CAST: variants seen among roughly 807,000 people sequenced by gnomAD.
CAST encodes calpastatin, also known as MIR583 host.
A neutral mutation model predicts 119.6 loss-of-function variants in CAST; 76 were observed. The observed-to-expected ratio is 0.64, with a 90% CI of 0.53 to 0.77. CAST has a LOEUF of 0.77. Among genes scored for constraint, CAST ranks in the 30% least tolerant of loss-of-function variants. CAST has a pLI of 0.00. For synonymous variants in CAST, 319 were observed against 331.6 expected, an observed-to-expected ratio of 0.96 and a Z score of 0.41; for missense variants, 953 against 946.5, an observed-to-expected ratio of 1.01 and a Z score of -0.09.
chr5:96,523,674 C>T (rs1336047195), upstream of CAST, among the ~76,000 whole-genome samples: 1 of 152,210 alleles, frequency 6.6e-6, no homozygotes, highest in Admixed American at 6.5e-5. Context: ...GAGTTGGTCA[C>T]AGCCAGGACT....
the CAST span, among the ~76,000 whole-genome samples, chr5:96,162,715 G>A: frequency 6.6e-6 from 1 of 152,112 alleles, no homozygotes; most frequent in Non-Finnish European, 1.5e-5. Context: ...ACTGCACCCG[G>A]CCTGATTTTA....
chr5:96,187,535 T>G, the CAST span, among the ~76,000 whole-genome samples: 4 of 152,342 alleles, frequency 2.6e-5, no homozygotes, highest in Middle Eastern at 6.8e-3. Flanking sequence ...GGGATTCTGG[T>G]ACATTGTCTC....
chr5:96,537,262 AT>A (rs1307472442), intron 1 of CAST, among the ~76,000 whole-genome samples: 1 of 152,140 alleles, frequency 6.6e-6, no homozygotes, highest in African/African-American at 2.4e-5. Flanking sequence ...TCACAACTCT[AT>A]TTGAACTGGA....
the CAST span, among the ~76,000 whole-genome samples, chr5:96,363,490 T>C: frequency 8.5e-5 from 13 of 152,344 alleles, no homozygotes; most frequent in South Asian, 2.3e-3. Flanking sequence ...TTCCATTTGT[T>C]TGTGTCCTCT....
chr5:96,394,999 T>C, the CAST span: 1 of 1,613,854 alleles, frequency 6.2e-7, no homozygotes, highest in Non-Finnish European at 8.5e-7. Context: ...AGTTCACAAT[T>C]CTTCCTTCAT....
intron 1 of CAST, among the ~76,000 whole-genome samples, chr5:96,587,487 G>C (rs1489186710): frequency 6.6e-6 from 1 of 152,154 alleles, no homozygotes; most frequent in Non-Finnish European, 1.5e-5. Flanking sequence ...CGTTAAGTAG[G>C]CAAATATTTT....
At chr5:96,611,922 T>C (rs1277184662) in intron 1 of CAST, among the ~76,000 whole-genome samples, 1 of 152,110 alleles carries the variant, frequency 6.6e-6, no homozygotes, top group Non-Finnish European at 1.5e-5. Context: ...ACATAGCTAT[T>C]ATTAAAACGT....
At chr5:96,732,006 T>G (rs1351980091) in intron 9 of CAST, among the ~76,000 whole-genome samples, 2,829 of 152,062 alleles carry the variant, frequency 0.019, 68 homozygotes, top group African/African-American at 0.062. Flanking sequence ...ATAGTCCTTT[T>G]GGTATATACC....
At chr5:96,260,801 G>T in the CAST span, among the ~76,000 whole-genome samples, 4 of 152,200 alleles carry the variant, frequency 2.6e-5, no homozygotes, top group Non-Finnish European at 5.9e-5. Context: ...AAGGCTCCCT[G>T]CCTCATAGCT....
the CAST span, among the ~76,000 whole-genome samples, chr5:96,001,987 A>G: frequency 6.6e-6 from 1 of 152,202 alleles, no homozygotes; most frequent in Non-Finnish European, 1.5e-5. Context: ...CTCTGCATAC[A>G]TAGGCAGTTT....
the CAST span, among the ~76,000 whole-genome samples, chr5:96,293,123 A>G: frequency 1.3e-5 from 2 of 152,280 alleles, no homozygotes; most frequent in Non-Finnish European, 2.9e-5. Context: ...CATGATCTAG[A>G]ATATGAATGG....
intron 16 of CAST, chr5:96,743,604 G>A (rs372770534): frequency 7.5e-6 from 12 of 1,608,542 alleles, no homozygotes; most frequent in Non-Finnish European, 9.3e-6. Context: ...CAATCCTTGA[G>A]TCTGGGACTG....
chr5:96,733,755 T>G (rs1581178201), intron 9 of CAST, among the ~76,000 whole-genome samples: 1 of 152,266 alleles, frequency 6.6e-6, no homozygotes, highest in South Asian at 2.1e-4. Context: ...CACAGGCCTG[T>G]AATCCCAGCT....
the CAST span, among the ~76,000 whole-genome samples, chr5:96,486,785 G>A: frequency 6.6e-6 from 1 of 152,106 alleles, no homozygotes; most frequent in Non-Finnish European, 1.5e-5. Context: ...CCTGCTCCTT[G>A]ATTCTTCTCC....
the CAST span, among the ~76,000 whole-genome samples, chr5:96,290,538 G>C: frequency 2.0e-5 from 3 of 152,086 alleles, no homozygotes; most frequent in Non-Finnish European, 4.4e-5. Flanking sequence ...TTTATTTCTT[G>C]AGTCTAAGCA....
intron 1 of CAST, 108 bp downstream of exon 1, chr5:96,662,605 C>T: frequency 1.6e-6 from 2 of 1,259,296 alleles, no homozygotes; most frequent in African/African-American, 1.6e-5. Context: ...CTGCAGTCCC[C>T]GGCGCCCCCG....
At chr5:95,989,682 T>A in the CAST span, among the ~76,000 whole-genome samples, 2 of 152,186 alleles carry the variant, frequency 1.3e-5, no homozygotes, top group African/African-American at 4.8e-5. Flanking sequence ...TATAAATGTC[T>A]TCTTTTTTTT....
chr5:96,408,915 T>C, the CAST span, among the ~76,000 whole-genome samples: 2 of 152,240 alleles, frequency 1.3e-5, no homozygotes, highest in African/African-American at 4.8e-5. Context: ...GTCTTTAAAA[T>C]GGAAAGTGTG....
At chr5:96,050,997 AG>A in the CAST span, among the ~76,000 whole-genome samples, 1 of 152,186 alleles carries the variant, frequency 6.6e-6, no homozygotes, top group Non-Finnish European at 1.5e-5. Flanking sequence ...GGTGAGACAA[AG>A]GCAGTATTTA....
Sources: allele counts gnomAD v4.1 joint callset (sites outside exome capture counted in the v4.1 genomes callset), GRCh38; gene constraint gnomAD v4.1.1; transcripts MANE v1.5; gene names NCBI Gene and HGNC (gene_info 2026-07-23, HGNC 2026-07-21).